The following CAMTA1 variants were observed in gnomAD, a reference collection of about 807,000 sequenced individuals.
CAMTA1 encodes calmodulin-binding transcription activator 1.
CAMTA1 carries 27 observed loss-of-function variants against 170.9 expected under a neutral mutation model. That is an observed-to-expected ratio of 0.16 (90% CI 0.12 to 0.22). CAMTA1 has a LOEUF of 0.22. Among genes scored for constraint, CAMTA1 ranks in the 10% least tolerant of loss-of-function variants. CAMTA1 has a pLI of 1.00. For missense variants in CAMTA1, 1,619 were observed against 2,217.2 expected, an observed-to-expected ratio of 0.73 and a Z score of 5.42; for synonymous variants, 833 against 891.5, an observed-to-expected ratio of 0.93 and a Z score of 1.17.
chr1:6,820,196 G>A lies in CAMTA1; in HGVS notation c.61G>A (p.Val21Ile), dbSNP rs1646326338. 1 of 1,595,956 alleles carries A rather than the reference G, an allele frequency of 6.3e-7. No homozygotes were observed. Among genetic ancestry groups the A allele is most frequent in the Admixed American group, 1.7e-5 (1 of 59,966 alleles). The stretch of plus-strand genomic sequence containing the variant: ...GTTTCCTTAGAGCGTTTCCCAAAGT[G>A]TATTCTGCGGAACTAGCACCTACTG... ...KTSRKSVSQS[V>I]FCGTSTYCVL... Residue 21 changes from valine to isoleucine, a missense_variant, in exon 2 of 23, where the codon GTA (valine) becomes ATA (isoleucine). Transcript: ENST00000303635.
At position 7,586,724 on chromosome 1, in the gene CAMTA1, A is replaced by G. The variant is rs138769106; in HGVS notation, c.511-53676A>G. Among the ~76,000 whole-genome samples, 606 of 152,188 alleles carry G rather than the reference A, an allele frequency of 4.0e-3. 8 individuals are homozygous for G. Among genetic ancestry groups the G allele is most frequent in the African/African-American group, 0.013 (550 of 41,490 alleles). ...GGTCCCACTGGGTCCTCACCACATC[A>G]GGGATCAGGGGTGGGGGACTGTCGA... On this transcript the variant is annotated intron_variant, in intron 6 of 22. Transcript: ENST00000303635.
chr1:7,410,245 C>A (rs1373679871), intron 5 of CAMTA1, among the ~76,000 whole-genome samples: 3 of 152,218 alleles, frequency 2.0e-5, no homozygotes, highest in African/African-American at 7.2e-5. Context: ...GAAATAGAGA[C>A]AGAATGGGGA....
intron 3 of CAMTA1, among the ~76,000 whole-genome samples, chr1:6,903,222 T>A (rs1234969496): frequency 2.0e-5 from 3 of 152,212 alleles, no homozygotes; most frequent in Non-Finnish European, 2.9e-5. Flanking sequence ...TCTATGGTGA[T>A]CAAAAGTGTT....
chr1:7,216,028 T>G lies in CAMTA1; in HGVS notation c.303-33463T>G, dbSNP rs1416621247. On this transcript the variant is annotated intron_variant, in intron 4 of 22. Transcript: ENST00000303635. The surrounding 1 kb of genome is among the most constrained non-coding windows in gnomAD (Gnocchi z 4.0). ...TGGGTCATTTATAAAGACAAGAAGTTTAATTGACTCATGGTTCCACAGGCT... is the reference window on the plus strand; with the variant it reads ...TGGGTCATTTATAAAGACAAGAAGTGTAATTGACTCATGGTTCCACAGGCT... 4.6e-5 allele frequency among the ~76,000 whole-genome samples: 7 copies of G among 152,172 alleles called. No individual in the cohort carries two copies. The highest frequency in any genetic ancestry group is 1.0e-4 in the Non-Finnish European group (7 of 68,030).
chr1:7,436,774 G>T (rs1005815432), intron 5 of CAMTA1, among the ~76,000 whole-genome samples: 1 of 152,312 alleles, frequency 6.6e-6, no homozygotes, highest in East Asian at 1.9e-4. Context: ...CTGTACCCTG[G>T]GAACGGCAGT....
intron 4 of CAMTA1, among the ~76,000 whole-genome samples, chr1:7,101,716 T>C (rs1227759859): frequency 6.6e-6 from 1 of 152,136 alleles, no homozygotes; most frequent in Non-Finnish European, 1.5e-5. Context: ...CATAGAACCA[T>C]ACACGTGCAC....
chr1:7,688,304 C>G (rs999837564), intron 11 of CAMTA1, among the ~76,000 whole-genome samples: 1 of 152,278 alleles, frequency 6.6e-6, no homozygotes, highest in Admixed American at 6.5e-5. Flanking sequence ...CATGCCCAGC[C>G]GGACTCCCAT....
intron 5 of CAMTA1, among the ~76,000 whole-genome samples, chr1:7,264,783 AG>A (rs1558327893): frequency 6.6e-6 from 1 of 152,186 alleles, no homozygotes; most frequent in Non-Finnish European, 1.5e-5. Flanking sequence ...CGCAGACTTC[AG>A]TTCAGTGTAA....
At chr1:7,168,169 A>C (rs1340198582) in intron 4 of CAMTA1, among the ~76,000 whole-genome samples, 2 of 152,198 alleles carry the variant, frequency 1.3e-5, no homozygotes. Context: ...TATTGTATAT[A>C]AATTAATTTA....
chr1:6,902,368 GTAC>G (rs1677304892), intron 3 of CAMTA1, among the ~76,000 whole-genome samples: 1 of 152,212 alleles, frequency 6.6e-6, no homozygotes, highest in Non-Finnish European at 1.5e-5. Flanking sequence ...CTTCATTGGA[GTAC>G]TACTCACAGT....
intron 6 of CAMTA1, among the ~76,000 whole-genome samples, chr1:7,478,692 C>T (rs182598778): frequency 2.5e-4 from 35 of 137,872 alleles, no homozygotes; most frequent in African/African-American, 1.0e-3. Context: ...GAACAATGGG[C>T]AATACAGTTT....
chr1:6,849,024 A>G (rs1659392873), intron 3 of CAMTA1, among the ~76,000 whole-genome samples: 3 of 152,200 alleles, frequency 2.0e-5, no homozygotes, highest in Non-Finnish European at 1.5e-5. Context: ...GTTCATGACA[A>G]TTGAGTTCTT....
intron 6 of CAMTA1, among the ~76,000 whole-genome samples, chr1:7,559,463 G>A (rs529556479): frequency 2.0e-5 from 3 of 152,330 alleles, no homozygotes; most frequent in African/African-American, 7.2e-5. Context: ...TTACCAATAG[G>A]AGTGGAATGA....
chr1:7,529,479 ATTG>A (rs1218480505), intron 6 of CAMTA1, among the ~76,000 whole-genome samples: 1 of 152,100 alleles, frequency 6.6e-6, no homozygotes, highest in African/African-American at 2.4e-5. Flanking sequence ...GGTAGAAAAC[ATTG>A]TTGTCACAGA....
intron 11 of CAMTA1, among the ~76,000 whole-genome samples, chr1:7,726,444 T>C: frequency 7.0e-6 from 1 of 143,626 alleles, no homozygotes; most frequent in Non-Finnish European, 1.6e-5. Flanking sequence ...TCATTGCAAC[T>C]AACTTTTGTG....
intron 3 of CAMTA1, among the ~76,000 whole-genome samples, chr1:7,030,903 C>T (rs1203899942): frequency 4.0e-5 from 6 of 150,526 alleles, no homozygotes; most frequent in South Asian, 4.2e-4. Flanking sequence ...GGTGCAATCT[C>T]GGCACACTGC....
rs1383156111 is a variant in CAMTA1, at chr1:7,738,049, C to T, written c.3749C>T (p.Pro1250Leu). 1 of 1,614,052 alleles carries T rather than the reference C, an allele frequency of 6.2e-7. No homozygotes were observed. The highest frequency in any genetic ancestry group is 1.3e-5 in the African/African-American group (1 of 74,922). ...GCTCCCAAAAAGCATAAATTGAACCCTGAGTACTTCCAGACAAGGCAGGAG... is the reference window on the plus strand; with the variant it reads ...GCTCCCAAAAAGCATAAATTGAACCTTGAGTACTTCCAGACAAGGCAGGAG... Reference protein sequence around the residue: ...YPAPKKHKLNPEYFQTRQEKL... With the variant: ...YPAPKKHKLNLEYFQTRQEKL... The change falls in exon 16 of 23, where the codon CCT (proline) becomes CTT (leucine). Residue 1250 changes from proline to leucine, a missense_variant. Pro to Leu is a moderately conservative substitution (Grantham distance 98, BLOSUM62 -3). Coordinates refer to ENST00000303635, the MANE Select transcript of CAMTA1 (RefSeq NM_015215.4). The surrounding 1 kb of genome is among the most constrained non-coding windows in gnomAD (Gnocchi z 4.9).
At chr1:7,415,418 A>T (rs1444011945) in intron 5 of CAMTA1, among the ~76,000 whole-genome samples, 1 of 151,732 alleles carries the variant, frequency 6.6e-6, no homozygotes, top group Non-Finnish European at 1.5e-5. Context: ...GTCACTCAGG[A>T]CTTGCTTTAT....
In CAMTA1 at chr1:7,421,504, G is replaced by A. The variant is rs114501806; in HGVS notation, c.439-46326G>A. ...TAACACTGGAGTGGAGAGGCTGAAC[G>A]TGACGAGTGCTGGATTGCTCTGGGA... On this transcript the variant is annotated intron_variant, in intron 5 of 22. Transcript: ENST00000303635. Among the ~76,000 whole-genome samples the A allele has an allele frequency of 9.2e-3, 1,396 of 152,266 alleles. 22 individuals carry two copies. The highest frequency in any genetic ancestry group is 0.032 in the African/African-American group (1,312 of 41,550).
Sources: allele counts gnomAD v4.1 joint callset (sites outside exome capture counted in the v4.1 genomes callset), GRCh38; gene constraint gnomAD v4.1.1; non-coding constraint Gnocchi (gnomAD v3.1); transcripts MANE v1.5; gene names NCBI Gene and HGNC (gene_info 2026-07-23, HGNC 2026-07-21).